Variants in ZBTB20 observed in about 807,000 individuals in gnomAD.
ZBTB20 encodes zinc finger and BTB domain-containing protein 20.
ZBTB20 carries 9 observed loss-of-function variants against 56.9 expected under a neutral mutation model. The ratio of observed to expected loss-of-function variants is 0.16; its 90% CI spans 0.10 to 0.28. The LOEUF (loss-of-function observed/expected upper bound fraction) is 0.28. ZBTB20 is among the 10% of genes least tolerant of loss of function. The pLI, the probability that ZBTB20 is intolerant of heterozygous loss-of-function variation, is 1.00. For synonymous variants in ZBTB20, 417 were observed against 420.7 expected (o/e 0.99, Z 0.11); for missense variants, 655 against 1,003.0 (o/e 0.65, Z 4.69).
chr3:114,771,531 A>ATG (rs1681304046), intron 5 of ZBTB20, among the ~76,000 whole-genome samples: 1 of 152,210 alleles, frequency 6.6e-6, no homozygotes, highest in African/African-American at 2.4e-5. Flanking sequence ...TCTGAAATAT[A>ATG]TAGTCTAATA....
chr3:114,977,128 CTTTACTA>C (rs1349074070), intron 2 of ZBTB20, among the ~76,000 whole-genome samples: 6 of 152,198 alleles, frequency 3.9e-5, no homozygotes, highest in Admixed American at 3.9e-4. Flanking sequence ...AGGCCACTCT[CTTTACTA>C]TTTACATGCT....
intron 5 of ZBTB20, among the ~76,000 whole-genome samples, chr3:114,717,105 C>T (rs2064536350): frequency 6.6e-6 from 1 of 152,114 alleles, no homozygotes; most frequent in African/African-American, 2.4e-5. Flanking sequence ...TTGCCAGTTA[C>T]TTACCCTTGC....
intron 1 of ZBTB20, among the ~76,000 whole-genome samples, chr3:115,101,610 A>T (rs2083586173): frequency 6.6e-6 from 1 of 152,158 alleles, no homozygotes; most frequent in Non-Finnish European, 1.5e-5. Context: ...ACCTTCCTTA[A>T]TATATTTCTA....
chr3:115,139,106 C>T (rs2084737832), intron 1 of ZBTB20, among the ~76,000 whole-genome samples: 1 of 151,902 alleles, frequency 6.6e-6, no homozygotes, highest in Non-Finnish European at 1.5e-5. Context: ...AAATAGCTTA[C>T]CATCATCTAA....
At chr3:114,627,723 A>T (rs2058725891) in intron 6 of ZBTB20, among the ~76,000 whole-genome samples, 1 of 152,204 alleles carries the variant, frequency 6.6e-6, no homozygotes, top group African/African-American at 2.4e-5. Flanking sequence ...TGCACAGGGG[A>T]GTAACTGACA....
chr3:114,635,914 A>G (rs2059239991), intron 6 of ZBTB20, among the ~76,000 whole-genome samples: 1 of 152,018 alleles, frequency 6.6e-6, no homozygotes, highest in Non-Finnish European at 1.5e-5. Flanking sequence ...TTCCCAAATC[A>G]GGGGAGAGAA....
At chr3:114,923,957 G>T (rs78824350) in intron 3 of ZBTB20, among the ~76,000 whole-genome samples, 209 of 152,208 alleles carry the variant, frequency 1.4e-3, no homozygotes, top group African/African-American at 4.8e-3. Flanking sequence ...TGGGCAAGAA[G>T]TATATTAAAA....
At chr3:114,395,335 G>T (rs2086240419) in intron 7 of ZBTB20, among the ~76,000 whole-genome samples, 2 of 152,068 alleles carry the variant, frequency 1.3e-5, no homozygotes, top group African/African-American at 4.8e-5. Context: ...GCAAAATCAG[G>T]ACTAGCTGAT....
chr3:114,837,264 T>G (rs1320571340), intron 4 of ZBTB20, among the ~76,000 whole-genome samples: 3 of 152,232 alleles, frequency 2.0e-5, no homozygotes, highest in African/African-American at 7.2e-5. Flanking sequence ...TGTATGTATG[T>G]GAGTATGCAC....
At chr3:114,788,291 C>A (rs903379906) in intron 5 of ZBTB20, among the ~76,000 whole-genome samples, 1 of 152,072 alleles carries the variant, frequency 6.6e-6, no homozygotes, top group African/African-American at 2.4e-5. Flanking sequence ...AGTATCAAAA[C>A]CACCTCCATC....
At chr3:114,880,605 T>C (rs887507535) in intron 4 of ZBTB20, among the ~76,000 whole-genome samples, 1 of 152,136 alleles carries the variant, frequency 6.6e-6, no homozygotes, top group African/African-American at 2.4e-5. Flanking sequence ...GGGATGTTTA[T>C]AAAAAAGATT....
intron 6 of ZBTB20, among the ~76,000 whole-genome samples, chr3:114,680,307 T>C (rs1157468888): frequency 6.6e-6 from 1 of 152,140 alleles, no homozygotes; most frequent in African/African-American, 2.4e-5. Flanking sequence ...TTAAAAAATA[T>C]GTGATAAAAT....
chr3:114,924,865 A>G (rs2076092218), intron 3 of ZBTB20, among the ~76,000 whole-genome samples: 2 of 151,662 alleles, frequency 1.3e-5, no homozygotes, highest in South Asian at 4.2e-4. Flanking sequence ...CTATTGATCT[A>G]TCTTTAAGTT....
At chr3:114,853,690 T>C (rs1576112500) in intron 4 of ZBTB20, among the ~76,000 whole-genome samples, 1 of 152,190 alleles carries the variant, frequency 6.6e-6, no homozygotes, top group Non-Finnish European at 1.5e-5. Context: ...AAATAGGAGA[T>C]TTTAAAAATC....
Position 114,327,045 on chromosome 3 carries a change from A to G in ZBTB20, c.*11960T>C, listed in dbSNP as rs995887883. On this transcript the variant is annotated 3_prime_UTR_variant, in exon 12 of 12. Transcript: ENST00000675478. ...TCCTATCCTCACGAATATATACTAT[A>G]GTGTTTCTGTCTATTATTTTGATGC... 3.3e-5 allele frequency: 5 copies of G among 152,166 alleles called. No individual in the cohort carries two copies. Among genetic ancestry groups the G allele is most frequent in the Non-Finnish European group, 5.9e-5 (4 of 68,018 alleles). 9.4% of individuals were successfully genotyped at this position (152,166 alleles called of 1,614,324 possible).
intron 2 of ZBTB20, among the ~76,000 whole-genome samples, chr3:115,056,483 G>C (rs1334411622): frequency 6.6e-6 from 1 of 152,056 alleles, no homozygotes; most frequent in African/African-American, 2.4e-5. Context: ...GATTTGCAAA[G>C]AGTCATGGAC....
chr3:114,520,240 A>G (rs1026187687), intron 6 of ZBTB20: 1 of 152,192 alleles, frequency 6.6e-6, no homozygotes, highest in Non-Finnish European at 1.5e-5. Flanking sequence ...ATTTGACATT[A>G]TATCAGTTGA....
chr3:114,745,367 A>G (rs2066956723), intron 5 of ZBTB20, among the ~76,000 whole-genome samples: 1 of 152,158 alleles, frequency 6.6e-6, no homozygotes, highest in African/African-American at 2.4e-5. Flanking sequence ...ATCCTCGTCC[A>G]TGGTTACTCT....
intron 5 of ZBTB20, among the ~76,000 whole-genome samples, chr3:114,713,187 T>C (rs1560158925): frequency 6.6e-6 from 1 of 152,024 alleles, no homozygotes; most frequent in Non-Finnish European, 1.5e-5. Flanking sequence ...TTGATTTTAT[T>C]ATAGTCAAAT....
Sources: allele counts gnomAD v4.1 joint callset (sites outside exome capture counted in the v4.1 genomes callset), GRCh38; gene constraint gnomAD v4.1.1; transcripts MANE v1.5; gene names NCBI Gene and HGNC (gene_info 2026-07-23, HGNC 2026-07-21).